SLC2A9: variants seen among roughly 807,000 people sequenced by gnomAD.
SLC2A9 encodes solute carrier family 2, facilitated glucose transporter member 9.
A neutral mutation model predicts 50.6 loss-of-function variants in SLC2A9; 39 were observed. The observed-to-expected ratio is 0.77, with a 90% CI of 0.60 to 1.01. SLC2A9 has a LOEUF of 1.01. SLC2A9 is among the 50% of genes least tolerant of loss of function. SLC2A9 has a pLI of 0.00. For missense variants in SLC2A9, 686 were observed against 677.6 expected, an observed-to-expected ratio of 1.01 and a Z score of -0.14; for synonymous variants, 324 against 276.9, an observed-to-expected ratio of 1.17 and a Z score of -1.69.
intron 2 of SLC2A9, among the ~76,000 whole-genome samples, chr4:10,018,204 G>T (rs1762924610): frequency 6.6e-6 from 1 of 152,154 alleles, no homozygotes; most frequent in South Asian, 2.1e-4. Flanking sequence ...GCCAAAGATG[G>T]GTCTTATCCA....
At chr4:9,800,934 C>A (rs1381337965) in intron 3 of SLC2A9, among the ~76,000 whole-genome samples, 1 of 152,166 alleles carries the variant, frequency 6.6e-6, no homozygotes, top group Non-Finnish European at 1.5e-5. Flanking sequence ...TCCTAGTACA[C>A]TCATGCAGTC....
intron 3 of SLC2A9, chr4:9,782,196 T>C: frequency 6.2e-7 from 1 of 1,609,540 alleles, no homozygotes; most frequent in Non-Finnish European, 8.5e-7. Flanking sequence ...TGGACCCTGC[T>C]GGGCAACGTG....
At chr4:9,828,911 T>G (rs955776561) in intron 11 of SLC2A9, among the ~76,000 whole-genome samples, 1 of 152,170 alleles carries the variant, frequency 6.6e-6, no homozygotes. Context: ...TGATATACAG[T>G]AGATGCTCTG....
chr4:9,929,643 G>A (rs1745536704), intron 6 of SLC2A9, among the ~76,000 whole-genome samples: 1 of 152,202 alleles, frequency 6.6e-6, no homozygotes, highest in Non-Finnish European at 1.5e-5. Flanking sequence ...GGCAGAGGGA[G>A]GGTGTGAGGG....
intron 3 of SLC2A9, among the ~76,000 whole-genome samples, chr4:9,789,885 C>A (rs1719684711): frequency 1.3e-5 from 2 of 152,178 alleles, no homozygotes; most frequent in South Asian, 4.1e-4. Context: ...GTCCTGAAAA[C>A]TCTTAGTGAA....
chr4:9,950,302 T>G (rs1749988135), intron 5 of SLC2A9, among the ~76,000 whole-genome samples: 1 of 152,238 alleles, frequency 6.6e-6, no homozygotes. Flanking sequence ...AATAATGAGA[T>G]GAACTTCCAA....
chr4:9,911,799 T>C (rs1741858792), intron 7 of SLC2A9, among the ~76,000 whole-genome samples: 1 of 152,224 alleles, frequency 6.6e-6, no homozygotes, highest in African/African-American at 2.4e-5. Flanking sequence ...ATAATTGGCA[T>C]ATAACAAATT....
At chr4:9,948,446 C>A (rs1424505698) in intron 5 of SLC2A9, among the ~76,000 whole-genome samples, 1 of 152,230 alleles carries the variant, frequency 6.6e-6, no homozygotes, top group African/African-American at 2.4e-5. Flanking sequence ...ACCTGCGTCA[C>A]CTGCAGTGAA....
chr4:9,968,597 G>C (rs1753413089), intron 5 of SLC2A9, among the ~76,000 whole-genome samples: 1 of 152,080 alleles, frequency 6.6e-6, no homozygotes, highest in African/African-American at 2.4e-5. Context: ...CTTTTACTAA[G>C]AGCCATATAT....
At chr4:9,852,866 C>T (rs184329666) in intron 10 of SLC2A9, among the ~76,000 whole-genome samples, 12 of 152,280 alleles carry the variant, frequency 7.9e-5, no homozygotes, top group African/African-American at 2.9e-4. Flanking sequence ...CAGTATTAAC[C>T]TTGAATGTAA....
At chr4:9,903,281 A>T (rs1286996435) in intron 8 of SLC2A9, among the ~76,000 whole-genome samples, 1 of 151,890 alleles carries the variant, frequency 6.6e-6, no homozygotes. Flanking sequence ...TTTTACTACA[A>T]GTCAAGAGCA....
intron 1 of SLC2A9, among the ~76,000 whole-genome samples, chr4:10,033,955 C>G (rs1465632038): frequency 6.6e-6 from 1 of 152,178 alleles, no homozygotes; most frequent in Non-Finnish European, 1.5e-5. Flanking sequence ...GGGCTTCCCC[C>G]GCCAGCCCCT....
chr4:9,914,410 A>G (rs1008570260), intron 7 of SLC2A9, among the ~76,000 whole-genome samples: 6 of 152,206 alleles, frequency 3.9e-5, no homozygotes, highest in Non-Finnish European at 5.9e-5. Flanking sequence ...CATTCTCATC[A>G]GACTTTGCTT....
chr4:9,948,358 G>C (rs1749584008), intron 5 of SLC2A9, among the ~76,000 whole-genome samples: 1 of 152,186 alleles, frequency 6.6e-6, no homozygotes, highest in East Asian at 1.9e-4. Flanking sequence ...TGCGGCTTAG[G>C]TGCTGGGGTT....
intron 9 of SLC2A9, 33 bp from the exon 10 acceptor site, chr4:9,887,675 G>A (rs1272386385): frequency 6.9e-7 from 1 of 1,451,084 alleles, no homozygotes; most frequent in Non-Finnish European, 9.1e-7. Flanking sequence ...CAGGTGAGGA[G>A]GTGATGGTGT....
At chr4:9,851,640 G>A (rs1729946825) in intron 10 of SLC2A9, among the ~76,000 whole-genome samples, 1 of 152,142 alleles carries the variant, frequency 6.6e-6, no homozygotes, top group African/African-American at 2.4e-5. Context: ...ACTGAGATTT[G>A]GGAGAGTCAA....
At position 9,826,899 on chromosome 4, in the gene SLC2A9, G is replaced by C. The variant is rs1725236296; in HGVS notation, c.1420-299C>G. ...ATCACGAAAGCAAAATGGAATGCTTGCTGAATATTAGCTTAAGCTTATATT... is the reference window on the plus strand; with the variant it reads ...ATCACGAAAGCAAAATGGAATGCTTCCTGAATATTAGCTTAAGCTTATATT... On this transcript the variant is annotated intron_variant, in intron 11 of 11. Coordinates refer to ENST00000264784, the MANE Select transcript of SLC2A9 (RefSeq NM_020041.3). Among the ~76,000 whole-genome samples, 2 of 152,166 alleles carry C rather than the reference G, an allele frequency of 1.3e-5. 1 individual carries two copies. Among genetic ancestry groups the C allele is most frequent in the African/African-American group, 4.8e-5 (2 of 41,438 alleles).
chr4:9,952,468 A>G (rs1014976945), intron 5 of SLC2A9, among the ~76,000 whole-genome samples: 2 of 151,808 alleles, frequency 1.3e-5, no homozygotes, highest in Non-Finnish European at 2.9e-5. Flanking sequence ...ATGCATGTAC[A>G]GTCTGCAGAA....
chr4:9,912,408 T>C (rs1353503355), intron 7 of SLC2A9, among the ~76,000 whole-genome samples: 1 of 152,184 alleles, frequency 6.6e-6, no homozygotes, highest in Admixed American at 6.5e-5. Flanking sequence ...TGAAGAACTG[T>C]GCAGCTGGCA....
Sources: gnomAD v4.1 joint callset for allele counts (sites outside exome capture counted in the v4.1 genomes callset) on GRCh38, gnomAD v4.1.1 for gene constraint, MANE v1.5 for transcripts, NCBI Gene and HGNC (gene_info 2026-07-23, HGNC 2026-07-21) for gene names.